SKAP1: variants seen among roughly 807,000 people sequenced by gnomAD.
SKAP1 encodes the protein src kinase associated phosphoprotein 1.
Under a neutral mutation model 58.5 loss-of-function variants are expected in SKAP1, and 44 were observed. That is an observed-to-expected ratio of 0.75 (90% confidence interval 0.59 to 0.97). SKAP1 has a LOEUF of 0.97. Ranked by LOEUF, SKAP1 falls within the 50% of genes least tolerant of loss-of-function variation. SKAP1 has a pLI of 0.00. For synonymous variants in SKAP1, 127 were observed against 149.7 expected, an observed-to-expected ratio of 0.85 and a Z score of 1.11; for missense variants, 390 against 435.2, an observed-to-expected ratio of 0.90 and a Z score of 0.92.
At chr17:48,267,899 G>A (rs2065574190) in intron 4 of SKAP1, among the ~76,000 whole-genome samples, 1 of 152,100 alleles carries the variant, frequency 6.6e-6, no homozygotes, top group African/African-American at 2.4e-5. Context: ...ATTATACAGA[G>A]GTTGCTTATA....
intron 4 of SKAP1, among the ~76,000 whole-genome samples, chr17:48,217,015 G>T (rs943561355): frequency 3.9e-5 from 6 of 152,100 alleles, no homozygotes; most frequent in African/African-American, 1.2e-4. Context: ...GTGAAGTCCA[G>T]ATTTCCTAAA....
At chr17:48,350,061 C>T (rs948980179) in intron 3 of SKAP1, among the ~76,000 whole-genome samples, 1 of 151,994 alleles carries the variant, frequency 6.6e-6, no homozygotes, top group Non-Finnish European at 1.5e-5. Context: ...AAAAATGAAC[C>T]ATGATGATGT....
intron 2 of SKAP1, among the ~76,000 whole-genome samples, chr17:48,385,264 C>T (rs911310297): frequency 1.3e-5 from 2 of 151,574 alleles, no homozygotes; most frequent in African/African-American, 4.9e-5. Context: ...GACTAGAGAC[C>T]AGGAAGCCAG....
intron 4 of SKAP1, among the ~76,000 whole-genome samples, chr17:48,205,023 C>CTCTTTCTTTCTT (rs2064788908): frequency 1.8e-5 from 1 of 54,234 alleles, no homozygotes; most frequent in Non-Finnish European, 3.7e-5. Context: ...CTTTTTCTTT[C>CTCTTTCTTTCTT]TTTCTTTCTT....
chr17:48,334,954 G>A (rs1261714894), intron 4 of SKAP1, among the ~76,000 whole-genome samples: 1 of 151,660 alleles, frequency 6.6e-6, no homozygotes, highest in Non-Finnish European at 1.5e-5. Context: ...TCTTAAAGTT[G>A]GGGAGAAAGA....
chr17:48,394,178 G>T (rs1223771713), intron 2 of SKAP1, among the ~76,000 whole-genome samples: 2 of 152,050 alleles, frequency 1.3e-5, no homozygotes, highest in Non-Finnish European at 2.9e-5. Flanking sequence ...AGCTGTGATT[G>T]TGCCACTGCA....
At chr17:48,222,497 C>T (rs148127716) in intron 4 of SKAP1, among the ~76,000 whole-genome samples, 246 of 151,728 alleles carry the variant, frequency 1.6e-3, no homozygotes, top group African/African-American at 5.5e-3. Context: ...ATTTTTTTCC[C>T]GAGATGGAGT....
At chr17:48,429,845 A>C (rs2067895626) in intron 1 of SKAP1, among the ~76,000 whole-genome samples, 1 of 152,092 alleles carries the variant, frequency 6.6e-6, no homozygotes. Flanking sequence ...GGTGAAGTGG[A>C]GGCGTGGAGG....
intron 1 of SKAP1, among the ~76,000 whole-genome samples, chr17:48,415,234 A>C (rs1367694333): frequency 6.6e-6 from 1 of 152,194 alleles, no homozygotes; most frequent in Admixed American, 6.5e-5. Context: ...TCACATTTCC[A>C]AAAAGAAAAA....
chr17:48,308,598 C>T (rs2066179717), intron 4 of SKAP1: 1 of 152,078 alleles, frequency 6.6e-6, no homozygotes, highest in Non-Finnish European at 1.5e-5. Flanking sequence ...TTATAGAAGA[C>T]ATCATAATTT....
intron 11 of SKAP1, among the ~76,000 whole-genome samples, chr17:48,150,510 T>A (rs996842700): frequency 6.6e-6 from 1 of 152,218 alleles, no homozygotes; most frequent in Non-Finnish European, 1.5e-5. Context: ...TTATAGATGC[T>A]CTGTTTGTGT....
chr17:48,431,625 T>A (rs147429983), upstream of SKAP1, among the ~76,000 whole-genome samples: 193 of 152,258 alleles, frequency 1.3e-3, no homozygotes, highest in African/African-American at 4.4e-3. Flanking sequence ...CATTGACAAT[T>A]TTTGAGATTG....
At chr17:48,204,989 C>CT (rs1332877599) in intron 4 of SKAP1, among the ~76,000 whole-genome samples, 1,500 of 55,318 alleles carry the variant, frequency 0.027, 27 homozygotes, top group African/African-American at 0.11. Flanking sequence ...TTCTTTCTTT[C>CT]TTTCTTTCTT....
At chr17:48,307,567 T>C (rs1478406659) in intron 4 of SKAP1, 1 of 152,262 alleles carries the variant, frequency 6.6e-6, no homozygotes, top group Non-Finnish European at 1.5e-5. Context: ...ATATAAAATT[T>C]AGATAAATTC....
At chr17:48,404,905 G>T (rs2067549992) in intron 1 of SKAP1, among the ~76,000 whole-genome samples, 1 of 152,006 alleles carries the variant, frequency 6.6e-6, no homozygotes, top group Admixed American at 6.6e-5. Context: ...TAGGCAAAAT[G>T]ATTTTTTAAA....
chr17:48,429,205 C>T (rs1325216059), intron 1 of SKAP1, among the ~76,000 whole-genome samples: 2 of 152,186 alleles, frequency 1.3e-5, no homozygotes, highest in Admixed American at 6.5e-5. Context: ...GAGCCTTATG[C>T]GACTGCAGAT....
chr17:48,287,282 C>T (rs988644349), intron 4 of SKAP1, among the ~76,000 whole-genome samples: 3 of 151,850 alleles, frequency 2.0e-5, no homozygotes, highest in Non-Finnish European at 4.4e-5. Context: ...CTCAAACCTA[C>T]AAAATTCACA....
intron 4 of SKAP1, among the ~76,000 whole-genome samples, chr17:48,309,948 G>C (rs2066201662): frequency 6.6e-6 from 1 of 152,110 alleles, no homozygotes; most frequent in Non-Finnish European, 1.5e-5. Context: ...GGAATCTTTG[G>C]GCAATGACAA....
chr17:48,262,852 C>CA (rs1459373554), intron 4 of SKAP1, among the ~76,000 whole-genome samples: 3 of 151,920 alleles, frequency 2.0e-5, no homozygotes, highest in African/African-American at 7.3e-5. Flanking sequence ...AGCAGGCAAA[C>CA]AAAAGAAGTA....
Sources: gnomAD v4.1 joint callset for allele counts (sites outside exome capture counted in the v4.1 genomes callset) on GRCh38, gnomAD v4.1.1 for gene constraint, MANE v1.5 for transcripts, NCBI Gene and HGNC (gene_info 2026-07-23, HGNC 2026-07-21) for gene names.